The following ZMAT4 variants were observed in gnomAD, a reference collection of about 807,000 sequenced individuals.
ZMAT4 encodes zinc finger matrin-type 4, also known as zinc finger matrin-type protein 4.
In ZMAT4, 17 loss-of-function variants were observed where a neutral mutation model predicts 28.7. That is an observed-to-expected ratio of 0.59 (90% confidence interval 0.41 to 0.89). ZMAT4 has a LOEUF of 0.89. Ranked by LOEUF, ZMAT4 falls within the 40% of genes least tolerant of loss-of-function variation. The probability of loss-of-function intolerance (pLI) is 0.00; values close to 1 mark genes in which losing one functional copy is unlikely to be tolerated. For missense variants in ZMAT4, 240 were observed against 283.8 expected, an observed-to-expected ratio of 0.85 and a Z score of 1.11; for synonymous variants, 117 against 109.2, an observed-to-expected ratio of 1.07 and a Z score of -0.44.
At chr8:40,639,873 A>G (rs538836458) in intron 5 of ZMAT4, among the ~76,000 whole-genome samples, 1 of 152,292 alleles carries the variant, frequency 6.6e-6, no homozygotes, top group South Asian at 2.1e-4. Context: ...AAGTGTGGAG[A>G]TAACTTTTTA....
At chr8:40,814,839 A>C (rs1815467191) in intron 2 of ZMAT4, among the ~76,000 whole-genome samples, 1 of 139,726 alleles carries the variant, frequency 7.2e-6, no homozygotes, top group African/African-American at 2.5e-5. Flanking sequence ...TCTGCAAAAA[A>C]ATGAATGAAT....
In ZMAT4 at chr8:40,794,627, G is replaced by A. The variant is rs571773044; in HGVS notation, c.103-26897C>T. Among the ~76,000 whole-genome samples the A allele has an allele frequency of 1.5e-4, 23 of 152,296 alleles. No individual in the cohort carries two copies. In the South Asian group the frequency reaches 3.5e-3, roughly 23 times the overall value. On this transcript the variant is annotated intron_variant, in intron 2 of 6. Coordinates refer to ENST00000297737, the MANE Select transcript of ZMAT4 (RefSeq NM_024645.3). The stretch of plus-strand genomic sequence containing the variant: ...AGCACGTGGCCTGGTGCAGGAAACC[G>A]CAGGGCAGCGTGGTCTGGGTTTTAG...
intron 6 of ZMAT4, among the ~76,000 whole-genome samples, chr8:40,561,590 C>T (rs537874795): frequency 6.6e-6 from 1 of 152,218 alleles, no homozygotes; most frequent in African/African-American, 2.4e-5. Flanking sequence ...CCCAAAATCT[C>T]TCCTCCAACA....
chr8:40,742,040 A>G (rs1210390587), intron 3 of ZMAT4, among the ~76,000 whole-genome samples: 1 of 151,762 alleles, frequency 6.6e-6, no homozygotes, highest in Non-Finnish European at 1.5e-5. Flanking sequence ...GGAGTTTGAG[A>G]CCAGCCTGGA....
At chr8:40,801,351 AATATATATATATATATATATACATATAT>A (rs1266077879) in intron 2 of ZMAT4, among the ~76,000 whole-genome samples, 2 of 97,258 alleles carry the variant, frequency 2.1e-5, no homozygotes, top group Non-Finnish European at 4.5e-5. Context: ...TAAAAAAAAA[AATATATATATATATATATATACATATAT>A]ATATTCGGTG....
intron 5 of ZMAT4, among the ~76,000 whole-genome samples, chr8:40,606,038 C>T (rs1805568433): frequency 1.3e-5 from 2 of 152,064 alleles, no homozygotes; most frequent in African/African-American, 2.4e-5. Flanking sequence ...CTTTTTCCAC[C>T]CCTTTACCTT....
chr8:40,630,837 G>A (rs1309369046), intron 5 of ZMAT4, among the ~76,000 whole-genome samples: 2 of 152,136 alleles, frequency 1.3e-5, no homozygotes, highest in Non-Finnish European at 2.9e-5. Flanking sequence ...AGCCACATGT[G>A]TAATTTTAAA....
chr8:40,890,831 G>T (rs1195625987), intron 1 of ZMAT4, among the ~76,000 whole-genome samples: 2 of 151,848 alleles, frequency 1.3e-5, no homozygotes, highest in African/African-American at 4.8e-5. Context: ...GCTGGATGGA[G>T]TTTTGCTACC....
intron 5 of ZMAT4, among the ~76,000 whole-genome samples, chr8:40,588,655 T>C (rs1328860519): frequency 6.6e-6 from 1 of 152,090 alleles, no homozygotes; most frequent in Non-Finnish European, 1.5e-5. Flanking sequence ...CAACTAGAAT[T>C]TGACACATTC....
chr8:40,783,904 G>A (rs997140523), intron 2 of ZMAT4, among the ~76,000 whole-genome samples: 3 of 152,164 alleles, frequency 2.0e-5, no homozygotes, highest in Admixed American at 2.0e-4. Context: ...CCAGCTACTT[G>A]GGAGGTTGAG....
intron 2 of ZMAT4, among the ~76,000 whole-genome samples, chr8:40,768,846 G>T (rs7846031): frequency 0.39 from 59,181 of 151,864 alleles, 12,210 homozygotes; most frequent in East Asian, 0.68. Context: ...GTTATTTCCT[G>T]CTTTTCCAGG....
At chr8:40,848,805 A>G (rs1242020854) in intron 1 of ZMAT4, among the ~76,000 whole-genome samples, 1 of 152,212 alleles carries the variant, frequency 6.6e-6, no homozygotes, top group Non-Finnish European at 1.5e-5. Context: ...GTTACTCAGG[A>G]ATTGGGGGTG....
intron 1 of ZMAT4, among the ~76,000 whole-genome samples, chr8:40,837,412 C>T (rs1234141516): frequency 6.6e-6 from 1 of 152,204 alleles, no homozygotes; most frequent in Admixed American, 6.5e-5. Context: ...TCAATGGGAA[C>T]TAAACCTCTA....
chr8:40,866,489 T>C (rs1817681106), intron 1 of ZMAT4, among the ~76,000 whole-genome samples: 1 of 152,236 alleles, frequency 6.6e-6, no homozygotes. Context: ...AACGCTGCCC[T>C]GATTTAATTT....
chr8:40,873,382 C>T (rs1817930070), intron 1 of ZMAT4, among the ~76,000 whole-genome samples: 1 of 152,114 alleles, frequency 6.6e-6, no homozygotes, highest in African/African-American at 2.4e-5. Context: ...ATGACCTTTC[C>T]TGTGGCAGGG....
intron 5 of ZMAT4, among the ~76,000 whole-genome samples, chr8:40,669,313 A>G (rs1211198225): frequency 6.6e-6 from 1 of 152,152 alleles, no homozygotes; most frequent in African/African-American, 2.4e-5. Flanking sequence ...GGGCCCTTAT[A>G]TGATACAGAT....
intron 3 of ZMAT4, among the ~76,000 whole-genome samples, chr8:40,748,771 C>T (rs1273185533): frequency 1.3e-5 from 2 of 151,930 alleles, no homozygotes; most frequent in Admixed American, 6.6e-5. Context: ...CATCTCTAAG[C>T]AGAACTTGAT....
At chr8:40,888,537 G>A (rs116957037) in intron 1 of ZMAT4, 3,857 of 152,394 alleles carry the variant, frequency 0.025, 68 homozygotes, top group Non-Finnish European at 0.039. Context: ...GCCTGTGAAC[G>A]GTCCAAAGGC....
intron 2 of ZMAT4, among the ~76,000 whole-genome samples, chr8:40,791,989 A>G (rs550601957): frequency 1.3e-5 from 2 of 152,344 alleles, no homozygotes. Context: ...ATCCACCCAC[A>G]GCATGCAATG....
Sources: allele counts gnomAD v4.1 joint callset (sites outside exome capture counted in the v4.1 genomes callset), GRCh38; gene constraint gnomAD v4.1.1; transcripts MANE v1.5; gene names NCBI Gene and HGNC (gene_info 2026-07-23, HGNC 2026-07-21).